Variants in FHAD1 observed in about 807,000 individuals in gnomAD.
The protein encoded by FHAD1 is forkhead-associated domain-containing protein 1.
In FHAD1, 146 loss-of-function variants were observed where a neutral mutation model predicts 191.3. The observed-to-expected ratio is 0.76, with a 90% CI of 0.67 to 0.88. The LOEUF is 0.88. Among genes scored for constraint, FHAD1 ranks in the 40% least tolerant of loss-of-function variants. The pLI, the probability that FHAD1 is intolerant of heterozygous loss-of-function variation, is 0.00. For missense variants in FHAD1, 1,635 were observed against 1,785.8 expected, an observed-to-expected ratio of 0.92 and a Z score of 1.52; for synonymous variants, 616 against 672.3, an observed-to-expected ratio of 0.92 and a Z score of 1.29.
At chr1:15,345,304 A>G (rs1200594783) in intron 17 of FHAD1, 112 bp from the exon 18 acceptor site, 1 of 1,340,958 alleles carries the variant, frequency 7.5e-7, no homozygotes, top group Admixed American at 2.0e-5. Context: ...TGCTGTCCAC[A>G]GTCCCCTAGG....
At chr1:15,290,694 C>T (rs12135704) in intron 4 of FHAD1, among the ~76,000 whole-genome samples, 12 of 138,304 alleles carry the variant, frequency 8.7e-5, no homozygotes, top group Admixed American at 3.8e-4. Context: ...TTAATATGAA[C>T]TTTTTTTTTT....
At chr1:15,267,423 A>G (rs1369699089) in intron 2 of FHAD1, among the ~76,000 whole-genome samples, 1 of 152,110 alleles carries the variant, frequency 6.6e-6, no homozygotes, top group Non-Finnish European at 1.5e-5. Flanking sequence ...CCTTTCTTGT[A>G]ATGTCTTTAT....
rs577383352 is a variant in FHAD1, at chr1:15,326,320, C to T, written c.1474-739C>T. On this transcript the variant is annotated intron_variant, in intron 11 of 33. Transcript: ENST00000688493. Reference sequence around the variant, plus strand: ...CAGAGAAAGTCGGGCTCCTTTTTACCTCTAACTACTAATGGAATCAGGACA... The same window carrying T: ...CAGAGAAAGTCGGGCTCCTTTTTACTTCTAACTACTAATGGAATCAGGACA... The T allele has an allele frequency of 2.0e-5, 3 of 152,334 alleles. 1 individual carries two copies. Among genetic ancestry groups the T allele is most frequent in the Admixed American group, 1.3e-4 (2 of 15,304 alleles). The allele number at this position is 152,334 out of a possible 1,614,324, so 9.4% of individuals were successfully genotyped here.
chr1:15,390,897 C>T (rs1703854646), intron 32 of FHAD1, among the ~76,000 whole-genome samples: 1 of 152,156 alleles, frequency 6.6e-6, no homozygotes, highest in South Asian at 2.1e-4. Flanking sequence ...ACAGACGTGT[C>T]CTCCGAGAAG....
At position 15,264,550 on chromosome 1, in the gene FHAD1, G is replaced by A. The variant is rs199994442; in HGVS notation, c.94-7773G>A. On this transcript the variant is annotated intron_variant, in intron 2 of 33. Transcript: ENST00000688493. ...TGAATTCAGTGTTATATGTATATAT[G>A]TGTGTGTGTGTGTGTGTGTGTGTGT... is the stretch of plus-strand genomic sequence containing the variant. Among the ~76,000 whole-genome samples the A allele has an allele frequency of 1.7e-4, 19 of 115,090 alleles. No homozygotes were observed. The East Asian group carries it at 2.6e-3, about 16-fold the overall frequency. 75.5% of individuals were successfully genotyped at this position (115,090 alleles called of 152,430 possible). A position where few individuals can be genotyped will look rare whatever the true frequency, so the allele number is the denominator to read the frequency against.
At chr1:15,323,173 C>T (rs1676950675) in intron 10 of FHAD1, among the ~76,000 whole-genome samples, 1 of 152,164 alleles carries the variant, frequency 6.6e-6, no homozygotes, top group Non-Finnish European at 1.5e-5. Flanking sequence ...GGACACACAG[C>T]CAAACCCTAT....
intron 12 of FHAD1, 45 bp from the exon 13 acceptor site, chr1:15,328,232 A>T: frequency 2.9e-6 from 4 of 1,369,170 alleles, no homozygotes; most frequent in South Asian, 1.5e-5. Context: ...CCACCCCTGT[A>T]TGTTACATCT....
chr1:15,294,831 G>A (rs142838664), intron 4 of FHAD1, among the ~76,000 whole-genome samples: 5 of 151,994 alleles, frequency 3.3e-5, no homozygotes, highest in Admixed American at 1.3e-4. Context: ...GGGCAGAATC[G>A]CCCTGGTCAA....
At chr1:15,360,222 T>C (rs1197249474) in intron 21 of FHAD1, among the ~76,000 whole-genome samples, 5 of 152,154 alleles carry the variant, frequency 3.3e-5, no homozygotes, top group Non-Finnish European at 7.4e-5. Context: ...GAACAGAAAG[T>C]GTCTGGGGCT....
rs894866342 is a variant in FHAD1 at position 15,367,470 on chromosome 1, A to G, written c.3162A>G (p.Leu1054=). 2 of 1,551,272 alleles carry G rather than the reference A, an allele frequency of 1.3e-6. No homozygotes were observed. The change falls in exon 25 of 34, where the codon CTA becomes CTG. Residue 1054 remains leucine, a synonymous_variant. Transcript: ENST00000688493. ...HSRMSDLRGE[L]NEKQKMELEQ... ...CCCTCCTGTCACTCGCAGGGGAGCT[A>G]AACGAGAAGCAGAAGATGGAACTGG...
rs776025927 is a variant in FHAD1, at chr1:15,365,866, G to A, written c.3087G>A (p.Gln1029=). 9.7e-6 allele frequency: 15 copies of A among 1,551,448 alleles called. No individual in the cohort carries two copies. The South Asian group carries it at 1.7e-4, about 17-fold the overall frequency. The change falls in exon 24 of 34, where the codon CAG becomes CAA. Residue 1029 remains glutamine (Q), a synonymous_variant. Coordinates refer to ENST00000688493, the MANE Select transcript of FHAD1 (RefSeq NM_001391957.1). ...LLAAQKEILS[Q]QEVIMKLRKD... ...CTGCTCAGAAGGAAATTCTGTCTCAGCAGGAAGTCATCATGAAGTTAAGGA... is the reference window on the plus strand; with the variant it reads ...CTGCTCAGAAGGAAATTCTGTCTCAACAGGAAGTCATCATGAAGTTAAGGA...
Position 15,311,319 on chromosome 1 carries a change from G to A in FHAD1, c.1040-1738G>A, listed in dbSNP as rs940080381. On this transcript the variant is annotated intron_variant, in intron 7 of 33. Coordinates refer to ENST00000688493, the MANE Select transcript of FHAD1 (RefSeq NM_001391957.1). This position sits in a 1 kb window ranked among gnomAD's most constrained non-coding sequence, Gnocchi z 4.1. ...CAGCAGAGTCAGGTGTGATGAGCAC[G>A]TGCATGTGGGCAGGGAAGGAACCAC... is the stretch of plus-strand genomic sequence containing the variant. Among the ~76,000 whole-genome samples, 1 of 152,188 alleles carries A rather than the reference G, an allele frequency of 6.6e-6. No homozygotes were observed. Among genetic ancestry groups the A allele is most frequent in the Non-Finnish European group, 1.5e-5 (1 of 68,030 alleles).
chr1:15,260,382 C>T (rs7512217), intron 2 of FHAD1, among the ~76,000 whole-genome samples: 46,173 of 152,102 alleles, frequency 0.3, 7,892 homozygotes, highest in East Asian at 0.55. Context: ...TTATTGTATT[C>T]GTTTTCTATT....
At chr1:15,336,199 T>G (rs997977602) in intron 14 of FHAD1, among the ~76,000 whole-genome samples, 6 of 152,240 alleles carry the variant, frequency 3.9e-5, no homozygotes, top group Non-Finnish European at 8.8e-5. Flanking sequence ...GGGGAGCTTC[T>G]GTCGTTTCAC....
chr1:15,278,497 G>T (rs1368117233), intron 3 of FHAD1, among the ~76,000 whole-genome samples: 1 of 64,068 alleles, frequency 1.6e-5, no homozygotes, highest in Non-Finnish European at 3.1e-5. Flanking sequence ...TTTTTGAGAC[G>T]GAGTCTCACT....
intron 6 of FHAD1, among the ~76,000 whole-genome samples, chr1:15,303,231 C>T (rs1277676452): frequency 6.6e-6 from 1 of 152,190 alleles, no homozygotes; most frequent in Non-Finnish European, 1.5e-5. Flanking sequence ...AGTGACCCTC[C>T]TTCAGACCTG....
intron 6 of FHAD1, among the ~76,000 whole-genome samples, chr1:15,305,205 A>G (rs1290433116): frequency 6.6e-6 from 1 of 152,228 alleles, no homozygotes; most frequent in Non-Finnish European, 1.5e-5. Context: ...GGCATGGTCT[A>G]TGTACTCTTA....
chr1:15,363,847 G>A (rs550892256), intron 23 of FHAD1: 20 of 453,974 alleles, frequency 4.4e-5, no homozygotes, highest in Non-Finnish European at 8.8e-5. Context: ...AGGCGCCGAT[G>A]GGATGCAGTG....
At chr1:15,253,351 G>A (rs1352802518) in intron 2 of FHAD1, among the ~76,000 whole-genome samples, 1 of 152,148 alleles carries the variant, frequency 6.6e-6, no homozygotes, top group Non-Finnish European at 1.5e-5. Context: ...TCTATGAAAT[G>A]TCTTGCTGAG....
Sources: allele counts gnomAD v4.1 joint callset (sites outside exome capture counted in the v4.1 genomes callset), GRCh38; gene constraint gnomAD v4.1.1; non-coding constraint Gnocchi (gnomAD v3.1); transcripts MANE v1.5; gene names NCBI Gene and HGNC (gene_info 2026-07-23, HGNC 2026-07-21).